The following DSG1 variants were observed in gnomAD, a reference collection of about 807,000 sequenced individuals.
DSG1 encodes desmoglein-1.
DSG1 carries 39 observed loss-of-function variants against 97.5 expected under a neutral mutation model. The observed-to-expected ratio is 0.40, with a 90% CI of 0.31 to 0.52. DSG1 has a LOEUF of 0.52. DSG1 is among the 20% of genes least tolerant of loss of function. The pLI is 0.53. For synonymous variants in DSG1, 475 were observed against 443.4 expected, an observed-to-expected ratio of 1.07 and a Z score of -0.90; for missense variants, 1,311 against 1,295.4, an observed-to-expected ratio of 1.01 and a Z score of -0.18.
At position 31,355,121 on chromosome 18, in the gene DSG1, C is replaced by T. The variant is rs751014959; in HGVS notation, c.2925C>T (p.Gly975=). 4 of 1,613,368 alleles carry T rather than the reference C, an allele frequency of 2.5e-6. No individual in the cohort carries two copies. Among genetic ancestry groups the T allele is most frequent in the Admixed American group, 1.7e-5 (1 of 60,024 alleles). ...CCACTGGGATCAGCGGTGGCATAGG[C>T]AGCAGTGGCCTGGTTGGCACCAGCA... The part of the protein sequence containing the change: ...SGTTGISGGI[G]SSGLVGTSMG... Residue 975 remains glycine, a synonymous_variant, in exon 15 of 15, where the codon GGC becomes GGT. Transcript: ENST00000257192.
intron 11 of DSG1, among the ~76,000 whole-genome samples, chr18:31,340,430 A>T (rs2071781588): frequency 6.6e-6 from 1 of 151,976 alleles, no homozygotes; most frequent in African/African-American, 2.4e-5. Context: ...AATATGGTGA[A>T]GCCCACGTCT....
At chr18:31,348,391 C>T (rs2071861706) in intron 14 of DSG1, among the ~76,000 whole-genome samples, 1 of 151,910 alleles carries the variant, frequency 6.6e-6, no homozygotes, top group African/African-American at 2.4e-5. Flanking sequence ...GGGTTGGTTC[C>T]AAGTCTTTGC....
chr18:31,347,392 C>T (rs546074707), intron 14 of DSG1, among the ~76,000 whole-genome samples: 1 of 151,112 alleles, frequency 6.6e-6, no homozygotes, highest in Admixed American at 6.6e-5. Flanking sequence ...TTTTCTTTAC[C>T]CTGCATCTGC....
At chr18:31,331,340 G>C (rs2071719694) in intron 5 of DSG1, among the ~76,000 whole-genome samples, 1 of 152,074 alleles carries the variant, frequency 6.6e-6, no homozygotes, top group Non-Finnish European at 1.5e-5. Flanking sequence ...CATATAGCTA[G>C]AAAGTGTTGA....
chr18:31,352,652 G>A (rs2071908817), intron 14 of DSG1, among the ~76,000 whole-genome samples: 1 of 148,394 alleles, frequency 6.7e-6, no homozygotes, highest in Non-Finnish European at 1.5e-5. Context: ...CATATTTCTT[G>A]GAGGCTTTGC....
rs61730307 is a variant in DSG1, at chr18:31,354,312, G to A, written c.2116G>A (p.Ala706Thr). The A allele has an allele frequency of 1.9e-4, 312 of 1,614,084 alleles. No homozygotes were observed. In the African/African-American group the frequency reaches 2.9e-3, roughly 15 times the overall value. The change falls in exon 15 of 15, where the codon GCA (alanine) becomes ACA (threonine). Residue 706 changes from alanine to threonine, a missense_variant. This residue lies in a region of DSG1 where 1,038 missense variants were observed against 964.6 expected (regional missense o/e 1.08). Transcript: ENST00000257192. ...SYFCQKAYAY[A>T]DEDEGRPSND... ...ATAAATTCAGAAAGCATATGCTTAC[G>A]CAGATGAAGATGAAGGACGCCCATC...
At chr18:31,329,383 G>A (rs558735635) in intron 4 of DSG1, among the ~76,000 whole-genome samples, 69 of 151,938 alleles carry the variant, frequency 4.5e-4, no homozygotes, top group Middle Eastern at 3.4e-3. Context: ...CACTCACACC[G>A]CCTGCCTGTA....
chr18:31,327,112 T>C (rs549393920), intron 3 of DSG1, 107 bp downstream of exon 3: 85 of 1,407,742 alleles, frequency 6.0e-5, no homozygotes, highest in Admixed American at 1.0e-4. Flanking sequence ...GAAGCTACGA[T>C]ACAGAACAGA....
rs1311167019 is a variant in DSG1 at position 31,357,796 on chromosome 18, CAAG to C, written c.*2453_*2455del. Among the ~76,000 whole-genome samples the C allele has an allele frequency of 6.6e-6, 1 of 151,928 alleles. No individual in the cohort carries two copies. Among genetic ancestry groups the C allele is most frequent in the Non-Finnish European group, 1.5e-5 (1 of 67,846 alleles). On this transcript the variant is annotated 3_prime_UTR_variant, in exon 15 of 15. Coordinates refer to ENST00000257192, the MANE Select transcript of DSG1 (RefSeq NM_001942.4). ...CAGGATTGCAAATTGATGGGAAAAA[CAAG>C]AAAAACTGAAGTATTAGTCACCTAT...
Position 31,333,901 on chromosome 18 carries a change from T to C in DSG1, c.820-116T>C, listed in dbSNP as rs141380661. 7.4e-5 allele frequency: 84 copies of C among 1,135,102 alleles called. 1 individual carries two copies. In the Middle Eastern group the frequency reaches 1.1e-3, roughly 14 times the overall value. The allele number at this position is 1,135,102 out of a possible 1,614,324, so 70.3% of individuals were successfully genotyped here. On this transcript the variant is annotated intron_variant, in intron 7 of 14. Coordinates refer to ENST00000257192, the MANE Select transcript of DSG1 (RefSeq NM_001942.4). The stretch of plus-strand genomic sequence containing the variant: ...TGGAGTTAAGCAATGAAAAATGAGA[T>C]GAAAACCACAGATATCTTTTCTAAA...
intron 14 of DSG1, among the ~76,000 whole-genome samples, chr18:31,352,259 G>A (rs1257274938): frequency 6.6e-6 from 1 of 150,940 alleles, no homozygotes; most frequent in Non-Finnish European, 1.5e-5. Flanking sequence ...GAAATTCTGG[G>A]TTGAAAATTC....
intron 1 of DSG1, among the ~76,000 whole-genome samples, chr18:31,326,326 T>G (rs997826111): frequency 3.3e-5 from 5 of 152,084 alleles, no homozygotes; most frequent in African/African-American, 7.2e-5. Context: ...AGTTAAAAAT[T>G]TCTTATTTAG....
At chr18:31,321,020 C>T (rs2071650062) in intron 1 of DSG1, among the ~76,000 whole-genome samples, 2 of 152,042 alleles carry the variant, frequency 1.3e-5, no homozygotes, top group Non-Finnish European at 2.9e-5. Flanking sequence ...TTATCTATGA[C>T]CATGAATGAT....
chr18:31,344,199 T>C (rs777053886), intron 13 of DSG1, among the ~76,000 whole-genome samples: 2 of 152,202 alleles, frequency 1.3e-5, no homozygotes, highest in African/African-American at 2.4e-5. Context: ...AAAATTTTCC[T>C]CAACCATCAA....
intron 1 of DSG1, among the ~76,000 whole-genome samples, chr18:31,324,130 C>T (rs1027764714): frequency 2.9e-4 from 44 of 151,570 alleles, no homozygotes; most frequent in African/African-American, 1.0e-3. Flanking sequence ...ACTACAGGCA[C>T]GCACCACGAC....
At chr18:31,325,423 G>T (rs1270885510) in intron 1 of DSG1, among the ~76,000 whole-genome samples, 1 of 152,136 alleles carries the variant, frequency 6.6e-6, no homozygotes, top group Non-Finnish European at 1.5e-5. Context: ...CACAAATAAG[G>T]TATGCCCATC....
At position 31,341,642 on chromosome 18, in the gene DSG1, A is replaced by G. The variant is rs565844582; in HGVS notation, c.1687+1617A>G. Among the ~76,000 whole-genome samples the G allele has an allele frequency of 2.2e-4, 34 of 152,328 alleles. No homozygotes were observed. In the South Asian group the frequency reaches 7.0e-3, roughly 32 times the overall value. On this transcript the variant is annotated intron_variant, in intron 11 of 14. Transcript: ENST00000257192. ...TAATAACCAGGAAAAGTTCTATGAA[A>G]CAGAGAAAAGGGAAAGAGAGAAAGA...
chr18:31,327,778 A>T (rs1173693963), intron 3 of DSG1, among the ~76,000 whole-genome samples: 1 of 152,194 alleles, frequency 6.6e-6, no homozygotes, highest in Non-Finnish European at 1.5e-5. Flanking sequence ...CAAATTGAAG[A>T]TTAAAGTTGC....
chr18:31,318,558 A>C (rs1417996777), intron 1 of DSG1, among the ~76,000 whole-genome samples: 1 of 152,142 alleles, frequency 6.6e-6, no homozygotes, highest in Admixed American at 6.6e-5. Flanking sequence ...GTGTCAACTC[A>C]TTGTATTACA....
Sources: gnomAD v4.1 joint callset for allele counts (sites outside exome capture counted in the v4.1 genomes callset) on GRCh38, gnomAD v4.1.1 for gene constraint, gnomAD v4.1.1 regional missense constraint, MANE v1.5 for transcripts, NCBI Gene and HGNC (gene_info 2026-07-23, HGNC 2026-07-21) for gene names.